The following CNBD1 variants were observed in gnomAD, a reference collection of about 807,000 sequenced individuals.
CNBD1 encodes the protein cyclic nucleotide-binding domain-containing protein 1.
Under a neutral mutation model 54.4 loss-of-function variants are expected in CNBD1, and 71 were observed. The observed-to-expected ratio is 1.30, with a 90% CI of 1.08 to 1.59. CNBD1 has a LOEUF of 1.59. Among genes scored for constraint, CNBD1 ranks in the 40% most tolerant of loss-of-function variants. CNBD1 has a pLI of 0.00. For missense variants in CNBD1, 659 were observed against 518.0 expected (o/e 1.27, Z -2.64); for synonymous variants, 182 against 170.7 (o/e 1.07, Z -0.51).
chr8:87,099,463 ATG>A (rs1478707522), intron 4 of CNBD1, among the ~76,000 whole-genome samples: 3 of 152,186 alleles, frequency 2.0e-5, no homozygotes, highest in Non-Finnish European at 4.4e-5. Context: ...GCAATGGTAG[ATG>A]TCGAAAATCA....
intron 4 of CNBD1, among the ~76,000 whole-genome samples, chr8:87,004,341 T>A (rs975977034): frequency 2.2e-4 from 34 of 152,290 alleles, no homozygotes; most frequent in African/African-American, 8.2e-4. Flanking sequence ...CCCTACTATA[T>A]GAAAACCACA....
Position 87,165,201 on chromosome 8 carries a change from T to C in CNBD1, c.432-40792T>C, listed in dbSNP as rs570764174. ...ACGTATGATTTATTCTGAACAATGC[T>C]CTGTGTGCACTTAAGAAAAACATGT... On this transcript the variant is annotated intron_variant, in intron 4 of 10. Coordinates refer to ENST00000518476, the MANE Select transcript of CNBD1 (RefSeq NM_173538.3). Among the ~76,000 whole-genome samples, 6 of 152,064 alleles carry C rather than the reference T, an allele frequency of 3.9e-5. No individual in the cohort carries two copies. The East Asian group carries it at 1.2e-3, about 29-fold the overall frequency.
chr8:87,195,470 CA>C (rs1332888532), intron 4 of CNBD1, among the ~76,000 whole-genome samples: 1 of 148,204 alleles, frequency 6.7e-6, no homozygotes, highest in Non-Finnish European at 1.5e-5. Flanking sequence ...TCAAGTGATC[CA>C]CCCACCTTGG....
chr8:87,245,949 T>G lies in CNBD1; in HGVS notation c.771+8837T>G, dbSNP rs116932734. Among the ~76,000 whole-genome samples the G allele has an allele frequency of 3.0e-3, 458 of 152,194 alleles. 3 individuals are homozygous for G. Among genetic ancestry groups the G allele is most frequent in the Non-Finnish European group, 5.2e-3 (351 of 67,932 alleles). ...ACTAGTAATAATTGAGTACATACTA[T>G]ATGCCCATTTCATTTAAAGTACAGC... On this transcript the variant is annotated intron_variant, in intron 6 of 10. Coordinates refer to ENST00000518476, the MANE Select transcript of CNBD1 (RefSeq NM_173538.3).
intron 4 of CNBD1, among the ~76,000 whole-genome samples, chr8:87,189,733 T>A (rs928673565): frequency 1.3e-5 from 2 of 152,172 alleles, no homozygotes; most frequent in African/African-American, 4.8e-5. Context: ...CCAAACCCAA[T>A]TTCTGGAAAA....
chr8:87,149,640 G>A (rs1812561517), intron 4 of CNBD1, among the ~76,000 whole-genome samples: 1 of 152,090 alleles, frequency 6.6e-6, no homozygotes, highest in African/African-American at 2.4e-5. Context: ...AATTGGACTT[G>A]GGGATGAGAC....
intron 4 of CNBD1, among the ~76,000 whole-genome samples, chr8:87,189,999 G>A (rs1348084986): frequency 1.3e-5 from 2 of 152,124 alleles, no homozygotes; most frequent in Non-Finnish European, 2.9e-5. Flanking sequence ...TGAGAAGAAA[G>A]TCACATTTTT....
At chr8:86,941,180 A>G (rs1405513469) in intron 4 of CNBD1, among the ~76,000 whole-genome samples, 1 of 152,184 alleles carries the variant, frequency 6.6e-6, no homozygotes, top group African/African-American at 2.4e-5. Context: ...ATGAATACTA[A>G]TCACTTTTTA....
chr8:87,267,378 AATAT>A (rs1808281175), intron 6 of CNBD1, among the ~76,000 whole-genome samples: 1 of 152,192 alleles, frequency 6.6e-6, no homozygotes, highest in African/African-American at 2.4e-5. Flanking sequence ...AAAATTAGAC[AATAT>A]ATAATGATGG....
At chr8:87,039,304 T>C (rs898905541) in intron 4 of CNBD1, among the ~76,000 whole-genome samples, 2 of 152,216 alleles carry the variant, frequency 1.3e-5, no homozygotes, top group Non-Finnish European at 2.9e-5. Context: ...AAGTATATTT[T>C]CTACCCTTTC....
At chr8:87,221,713 T>A (rs774645943) in intron 5 of CNBD1, among the ~76,000 whole-genome samples, 5 of 152,154 alleles carry the variant, frequency 3.3e-5, no homozygotes, top group African/African-American at 1.2e-4. Flanking sequence ...ATTTTTATTT[T>A]GGAACAGAGA....
At chr8:86,967,638 C>G (rs1291109644) in intron 4 of CNBD1, among the ~76,000 whole-genome samples, 1 of 152,178 alleles carries the variant, frequency 6.6e-6, no homozygotes, top group Non-Finnish European at 1.5e-5. Context: ...TTTTTAAATT[C>G]TTTCTCAGAA....
chr8:87,354,871 T>A (rs1326383426), intron 10 of CNBD1, among the ~76,000 whole-genome samples: 2 of 152,184 alleles, frequency 1.3e-5, no homozygotes, highest in Non-Finnish European at 2.9e-5. Flanking sequence ...AACATACGTA[T>A]GCATTTGTCT....
intron 4 of CNBD1, among the ~76,000 whole-genome samples, chr8:86,955,889 T>A (rs963032926): frequency 3.9e-5 from 6 of 152,204 alleles, no homozygotes; most frequent in South Asian, 2.1e-4. Context: ...GGTGTTTTAG[T>A]CATGAAGTCC....
intron 6 of CNBD1, among the ~76,000 whole-genome samples, chr8:87,244,854 T>A (rs1807772477): frequency 6.6e-6 from 1 of 152,194 alleles, no homozygotes; most frequent in African/African-American, 2.4e-5. Context: ...GAAATGAGTT[T>A]TGATTCAACT....
intron 4 of CNBD1, among the ~76,000 whole-genome samples, chr8:87,117,854 T>C (rs879450933): frequency 1.3e-5 from 2 of 152,166 alleles, no homozygotes; most frequent in Non-Finnish European, 2.9e-5. Context: ...ATAAATCACA[T>C]TCTATTTATT....
At chr8:87,134,150 G>C (rs544581203) in intron 4 of CNBD1, among the ~76,000 whole-genome samples, 39 of 152,292 alleles carry the variant, frequency 2.6e-4, no homozygotes, top group Admixed American at 7.2e-4. Context: ...AGTGTGAACT[G>C]TGTGACTAAT....
intron 2 of CNBD1, among the ~76,000 whole-genome samples, chr8:87,391,590 A>G (rs181986592): frequency 2.0e-5 from 3 of 152,200 alleles, no homozygotes; most frequent in African/African-American, 2.4e-5. Flanking sequence ...AGATAATTCA[A>G]TAGGGGAAGA....
chr8:86,988,534 C>A (rs1202381030), intron 4 of CNBD1, among the ~76,000 whole-genome samples: 1 of 151,992 alleles, frequency 6.6e-6, no homozygotes, highest in Non-Finnish European at 1.5e-5. Flanking sequence ...ACAAACCATC[C>A]AATCCAATTA....
Sources: gnomAD v4.1 joint callset for allele counts (sites outside exome capture counted in the v4.1 genomes callset) on GRCh38, gnomAD v4.1.1 for gene constraint, MANE v1.5 for transcripts, NCBI Gene and HGNC (gene_info 2026-07-23, HGNC 2026-07-21) for gene names.